Variants in SPRY4 observed in about 807,000 individuals in gnomAD.
SPRY4 encodes the protein sprouty RTK signaling antagonist 4, also known as protein sprouty homolog 4.
A neutral mutation model predicts 17.0 loss-of-function variants in SPRY4; 7 were observed. The observed-to-expected ratio is 0.41, with a 90% CI of 0.23 to 0.77. The LOEUF (loss-of-function observed/expected upper bound fraction) is 0.77. Among genes scored for constraint, SPRY4 ranks in the 30% least tolerant of loss-of-function variants. The pLI, the probability that SPRY4 is intolerant of heterozygous loss-of-function variation, is 0.32. For missense variants in SPRY4, 435 were observed against 419.9 expected, an observed-to-expected ratio of 1.04 and a Z score of -0.31; for synonymous variants, 183 against 174.1, an observed-to-expected ratio of 1.05 and a Z score of -0.40.
rs1759081951 is a variant in SPRY4 at position 142,314,787 on chromosome 5, C to T, written c.322G>A (p.Asp108Asn). ...GCCATGTGGTCTAAGAGCCGTTGGT[C>T]AGAGGATGTGCTGCTGCTGCTGCTC... is the stretch of plus-strand genomic sequence containing the variant. ...SVSSSSSTSS[D>N]QRLLDHMAPP... The change falls in exon 2 of 2, where the codon GAC becomes AAC. Residue 108 changes from aspartate to asparagine, a missense_variant. Asp to Asn is a conservative substitution (Grantham distance 23). Transcript: ENST00000434127. The surrounding 1 kb of genome is among the most constrained non-coding windows in gnomAD (Gnocchi z 4.8). 1 of 1,598,106 alleles carries T rather than the reference C, an allele frequency of 6.3e-7. No homozygotes were observed. The highest frequency in any genetic ancestry group is 1.3e-5 in the African/African-American group (1 of 74,674).
intron 1 of SPRY4, chr5:142,317,621 T>G: frequency 6.4e-6 from 3 of 469,626 alleles, no homozygotes; most frequent in Non-Finnish European, 8.3e-6. Flanking sequence ...CAGATTCACT[T>G]TTTTTTTTTT....
In SPRY4 at chr5:142,313,828, G is replaced by T. The variant is rs1356053384; in HGVS notation, c.*381C>A. ...CAAAGACAATGGAAAAGAGGAAGGG[G>T]GGGGGGGCGGAGGGAGGGAGGGAGA... On this transcript the variant is annotated 3_prime_UTR_variant, in exon 2 of 2. Coordinates refer to ENST00000434127, the MANE Select transcript of SPRY4 (RefSeq NM_001127496.3). 1.5e-4 allele frequency: 7 copies of T among 46,344 alleles called. No individual in the cohort carries two copies. The East Asian group carries it at 1.5e-3, about 10-fold the overall frequency. The allele number at this position is 46,344 out of a possible 1,614,324, so 2.9% of individuals were successfully genotyped here.
rs1411399432 is a variant in SPRY4, at chr5:142,314,795, G to A, written c.314C>T (p.Thr105Ile). Reference sequence around the variant, plus strand: ...GTCTAAGAGCCGTTGGTCAGAGGATGTGCTGCTGCTGCTGCTCACAGAGCT... The same window carrying A: ...GTCTAAGAGCCGTTGGTCAGAGGATATGCTGCTGCTGCTGCTCACAGAGCT... The part of the protein sequence containing the change: ...RPSSVSSSSS[T>I]SSDQRLLDHM... Residue 105 changes from threonine to isoleucine, a missense_variant, in exon 2 of 2, where the codon ACA becomes ATA. Thr to Ile is a moderately conservative substitution (Grantham distance 89, BLOSUM62 -1). Coordinates refer to ENST00000434127, the MANE Select transcript of SPRY4 (RefSeq NM_001127496.3). The surrounding 1 kb of genome is among the most constrained non-coding windows in gnomAD (Gnocchi z 4.8). 6.3e-7 allele frequency: 1 copy of A among 1,596,088 alleles called. No individual in the cohort carries two copies.
chr5:142,323,322 G>A (rs1449795383), intron 1 of SPRY4, among the ~76,000 whole-genome samples: 1 of 152,164 alleles, frequency 6.6e-6, no homozygotes, highest in East Asian at 1.9e-4. Flanking sequence ...AAGTTCTTTG[G>A]CCTCCAGTGT....
intron 1 of SPRY4, among the ~76,000 whole-genome samples, chr5:142,320,931 G>A (rs1431712862): frequency 6.6e-6 from 1 of 152,146 alleles, no homozygotes; most frequent in Non-Finnish European, 1.5e-5. Context: ...GCCCCGAAGG[G>A]CCCCTTCCCT....
intron 1 of SPRY4, among the ~76,000 whole-genome samples, chr5:142,316,122 C>G (rs2126991354): frequency 6.6e-6 from 1 of 152,254 alleles, no homozygotes; most frequent in African/African-American, 2.4e-5. Context: ...TCACATCACC[C>G]ATTTCCAAGT....
At position 142,313,756 on chromosome 5, in the gene SPRY4, G is replaced by T. The variant is rs927231041; in HGVS notation, c.*453C>A. 1 of 171,348 alleles carries T rather than the reference G, an allele frequency of 5.8e-6. No individual in the cohort carries two copies. The highest frequency in any genetic ancestry group is 2.5e-5 in the African/African-American group (1 of 39,830). 10.6% of individuals were successfully genotyped at this position (171,348 alleles called of 1,614,324 possible). On this transcript the variant is annotated 3_prime_UTR_variant, in exon 2 of 2. Transcript: ENST00000434127. ...CAAGGGTCTTCTTTAAAGGTACCCT[G>T]GTACTCAGTTAACAATTCCTCCCAG...
In SPRY4 at chr5:142,322,483, A is replaced by AAAAAAT. The variant is rs79291595; in HGVS notation, c.-48+2360_-48+2361insATTTTT. Among the ~76,000 whole-genome samples the AAAAAAT allele has an allele frequency of 9.4e-5, 11 of 117,546 alleles. No homozygotes were observed. In the East Asian group the frequency reaches 3.7e-3, roughly 40 times the overall value. 77.1% of individuals were successfully genotyped at this position (117,546 alleles called of 152,430 possible). A position where few individuals can be genotyped will look rare whatever the true frequency, so the allele number is the denominator to read the frequency against. On this transcript the variant is annotated intron_variant, in intron 1 of 1. Transcript: ENST00000434127. ...AAGACTCGTCTCAAGAAAAAAAAAA[A>AAAAAAT]ATATATATATATATATATAAATGAA...
At position 142,314,578 on chromosome 5, in the gene SPRY4, A is replaced by C. The variant is rs1759067465; in HGVS notation, c.531T>G (p.Pro177=). 1 of 1,614,222 alleles carries C rather than the reference A, an allele frequency of 6.2e-7. No homozygotes were observed. Among genetic ancestry groups the C allele is most frequent in the Admixed American group, 1.7e-5 (1 of 60,022 alleles). Residue 177 remains proline, a synonymous_variant, in exon 2 of 2, where the codon CCT becomes CCG. Transcript: ENST00000434127. This position sits in a 1 kb window ranked among gnomAD's most constrained non-coding sequence, Gnocchi z 4.8. Reference sequence around the variant, plus strand: ...ACTCCTGGTTGCAGACCCAGCAGGAAGGCAACGTCCGGGGGGATGCACACT... The same window carrying C: ...ACTCCTGGTTGCAGACCCAGCAGGACGGCAACGTCCGGGGGGATGCACACT... ...CKECASPRTL[P]SCWVCNQECL...
chr5:142,321,541 C>G (rs1759344939), intron 1 of SPRY4, among the ~76,000 whole-genome samples: 1 of 142,548 alleles, frequency 7.0e-6, no homozygotes, highest in Non-Finnish European at 1.6e-5. Context: ...CTTCTCCACT[C>G]TAGCCATTTC....
rs940046956 is a variant in SPRY4, at chr5:142,312,130, T to C, written c.*2079A>G. 2.6e-5 allele frequency: 4 copies of C among 152,510 alleles called. No homozygotes were observed. Among genetic ancestry groups the C allele is most frequent in the Non-Finnish European group, 5.9e-5 (4 of 68,014 alleles). The allele number at this position is 152,510 out of a possible 1,614,324, so 9.4% of individuals were successfully genotyped here. ...AGCGTGCAGATGTGCACTATCAATT[T>C]TGGGGCCCCCTCATCTGAGGAAAAC... On this transcript the variant is annotated 3_prime_UTR_variant, in exon 2 of 2. Coordinates refer to ENST00000434127, the MANE Select transcript of SPRY4 (RefSeq NM_001127496.3).
chr5:142,315,206 A>AC, intron 1 of SPRY4, 51 bp from the exon 2 acceptor site: 1 of 1,236,000 alleles, frequency 8.1e-7, no homozygotes, highest in Non-Finnish European at 1.1e-6. Context: ...AGGCATCAGT[A>AC]TGTGGCCTGC....
chr5:142,314,432 C>T lies in SPRY4; in HGVS notation c.677G>A (p.Cys226Tyr), dbSNP rs751188078. Residue 226 changes from cysteine (C) to tyrosine (Y), a missense_variant, in exon 2 of 2, where the codon TGC becomes TAC. Physicochemically the swap from Cys to Tyr is radical, Grantham distance 194 (BLOSUM62 -2). Transcript: ENST00000434127. This position sits in a 1 kb window ranked among gnomAD's most constrained non-coding sequence, Gnocchi z 4.8. ...EGSCADHPCS[C>Y]SRSNCCARWS... ...GCGGGCGCAGCAGTTGGAGCGGGAG[C>T]AGGAGCAGGGGTGGTCAGCGCAGGA... is the stretch of plus-strand genomic sequence containing the variant. 2 of 1,614,028 alleles carry T rather than the reference C, an allele frequency of 1.2e-6. No individual in the cohort carries two copies. Among genetic ancestry groups the T allele is most frequent in the Non-Finnish European group, 1.7e-6 (2 of 1,179,964 alleles).
chr5:142,324,217 C>T (rs1759454863), intron 1 of SPRY4: 2 of 152,362 alleles, frequency 1.3e-5, no homozygotes, highest in Non-Finnish European at 2.9e-5. Flanking sequence ...CGGCGAGGAA[C>T]CGCCTCGCCA....
chr5:142,322,258 C>T lies in SPRY4; in HGVS notation c.-48+2586G>A, dbSNP rs6882421. On this transcript the variant is annotated intron_variant, in intron 1 of 1. Transcript: ENST00000434127. ...GAGGCAGAGGCCGGCGGATCATGAG[C>T]TTAGGAGTTCGAGACCAGCCTAGCC... Among the ~76,000 whole-genome samples the T allele has an allele frequency of 3.8e-3, 573 of 152,174 alleles. 5 individuals carry two copies. The highest frequency in any genetic ancestry group is 0.013 in the African/African-American group (551 of 41,528).
At chr5:142,324,632 C>G (rs1759470060) in intron 1 of SPRY4, among the ~76,000 whole-genome samples, 1 of 152,158 alleles carries the variant, frequency 6.6e-6, no homozygotes, top group Non-Finnish European at 1.5e-5. Flanking sequence ...AACGGCGGTG[C>G]CAGGCTGTGA....
At position 142,314,792 on chromosome 5, in the gene SPRY4, G is replaced by A. The variant is rs1038590166; in HGVS notation, c.317C>T (p.Ser106Phe). ...GTGGTCTAAGAGCCGTTGGTCAGAG[G>A]ATGTGCTGCTGCTGCTGCTCACAGA... ...PSSVSSSSST[S>F]SDQRLLDHMA... The change falls in exon 2 of 2, where the codon TCC (serine) becomes TTC (phenylalanine). Residue 106 changes from serine (S) to phenylalanine (F), a missense_variant. Ser to Phe is a radical substitution (Grantham distance 155). Transcript: ENST00000434127. This position sits in a 1 kb window ranked among gnomAD's most constrained non-coding sequence, Gnocchi z 4.8. 6.3e-7 allele frequency: 1 copy of A among 1,597,196 alleles called. No individual in the cohort carries two copies. The highest frequency in any genetic ancestry group is 8.6e-7 in the Non-Finnish European group (1 of 1,168,414).
At position 142,324,940 on chromosome 5, in the gene SPRY4, G is replaced by A. The variant is rs557563710; in HGVS notation, c.-144C>T. On this transcript the variant is annotated 5_prime_UTR_variant, in exon 1 of 2. Transcript: ENST00000434127. ...CCGCTGTACTCGCAGACGCCGGTCG[G>A]AGGAACCGGCAAGGCTCCCTGCGCT... The A allele has an allele frequency of 2.6e-5, 4 of 152,822 alleles. No individual in the cohort carries two copies. Among genetic ancestry groups the A allele is most frequent in the African/African-American group, 9.6e-5 (4 of 41,598 alleles). The allele number at this position is 152,822 out of a possible 1,614,324, so 9.5% of individuals were successfully genotyped here. A position where few individuals can be genotyped will look rare whatever the true frequency, so the allele number is the denominator to read the frequency against.
chr5:142,321,636 C>T (rs899890575), intron 1 of SPRY4, among the ~76,000 whole-genome samples: 2 of 152,210 alleles, frequency 1.3e-5, no homozygotes, highest in Non-Finnish European at 2.9e-5. Context: ...GGGCGAGAAT[C>T]CTTAGCCAGG....
Sources: allele counts gnomAD v4.1 joint callset (sites outside exome capture counted in the v4.1 genomes callset), GRCh38; gene constraint gnomAD v4.1.1; non-coding constraint Gnocchi (gnomAD v3.1); transcripts MANE v1.5; gene names NCBI Gene and HGNC (gene_info 2026-07-23, HGNC 2026-07-21).